PLEKHD1: variants seen among roughly 807,000 people sequenced by gnomAD.
PLEKHD1 encodes pleckstrin homology domain-containing family D member 1.
PLEKHD1 carries 51 observed loss-of-function variants against 69.2 expected under a neutral mutation model. That is an observed-to-expected ratio of 0.74 (90% confidence interval 0.59 to 0.93). PLEKHD1 has a LOEUF of 0.93. Ranked by LOEUF, PLEKHD1 falls within the 40% of genes least tolerant of loss-of-function variation. The pLI is 0.00. For missense variants in PLEKHD1, 584 were observed against 641.0 expected, an observed-to-expected ratio of 0.91 and a Z score of 0.96; for synonymous variants, 236 against 244.7, an observed-to-expected ratio of 0.96 and a Z score of 0.33.
chr14:69,520,158 C>T (rs1883478963), intron 6 of PLEKHD1, among the ~76,000 whole-genome samples: 3 of 109,612 alleles, frequency 2.7e-5, no homozygotes, highest in East Asian at 2.8e-4. Flanking sequence ...CAGAGCGAGA[C>T]TCTGTCTCAA....
chr14:69,486,685 C>A (rs2139490053), intron 1 of PLEKHD1, among the ~76,000 whole-genome samples: 1 of 152,298 alleles, frequency 6.6e-6, no homozygotes, highest in South Asian at 2.1e-4. Context: ...ACTTCTCTTG[C>A]CAGACATTTT....
chr14:69,517,831 T>C (rs116936985), intron 6 of PLEKHD1, among the ~76,000 whole-genome samples: 129 of 152,158 alleles, frequency 8.5e-4, no homozygotes, highest in Non-Finnish European at 1.6e-3. Flanking sequence ...TGATCTCCCC[T>C]AACCTCACAC....
intron 2 of PLEKHD1, 174 bp from the exon 3 acceptor site, chr14:69,500,403 C>G (rs1028671445): frequency 1.4e-6 from 1 of 691,110 alleles, no homozygotes; most frequent in Non-Finnish European, 2.4e-6. Flanking sequence ...CAGACCCTGC[C>G]CCAACCCTTC....
At chr14:69,500,281 G>A (rs1046516642) in intron 2 of PLEKHD1, 73 bp downstream of exon 2, 1 of 1,235,160 alleles carries the variant, frequency 8.1e-7, no homozygotes, top group Non-Finnish European at 1.1e-6. Flanking sequence ...TCTTGTGAGG[G>A]GAGGGGACTG....
intron 7 of PLEKHD1, among the ~76,000 whole-genome samples, chr14:69,523,801 A>G (rs1337232942): frequency 2.6e-5 from 4 of 152,204 alleles, no homozygotes; most frequent in African/African-American, 9.6e-5. Flanking sequence ...TAAAAGCCTA[A>G]GGTGACTGAA....
At chr14:69,509,994 A>G (rs1177276386) in intron 6 of PLEKHD1, among the ~76,000 whole-genome samples, 1 of 150,660 alleles carries the variant, frequency 6.6e-6, no homozygotes, top group Non-Finnish European at 1.5e-5. Context: ...CTCCATTGTC[A>G]GAGTTGAATT....
chr14:69,485,592 G>T (rs1283494698), intron 1 of PLEKHD1, among the ~76,000 whole-genome samples: 1 of 152,154 alleles, frequency 6.6e-6, no homozygotes, highest in African/African-American at 2.4e-5. Flanking sequence ...GAGGGACCTG[G>T]CCCTTCTGAA....
chr14:69,497,784 T>TG (rs756436034), intron 1 of PLEKHD1, among the ~76,000 whole-genome samples: 3 of 152,106 alleles, frequency 2.0e-5, no homozygotes, highest in Non-Finnish European at 4.4e-5. Context: ...GTTTCCGCAG[T>TG]GGGGGCAGAA....
chr14:69,490,313 G>A (rs1282472090), intron 1 of PLEKHD1, among the ~76,000 whole-genome samples: 1 of 152,210 alleles, frequency 6.6e-6, no homozygotes, highest in African/African-American at 2.4e-5. Context: ...TAGATCCCTT[G>A]CCATGCACAA....
the PLEKHD1 span, among the ~76,000 whole-genome samples, chr14:69,477,778 T>C: frequency 6.6e-6 from 1 of 152,222 alleles, no homozygotes; most frequent in Non-Finnish European, 1.5e-5. Flanking sequence ...TCCCATAGTC[T>C]TAGGCAGCTC....
In PLEKHD1 at chr14:69,528,394, C is replaced by T. The variant is rs200825554; in HGVS notation, c.1496C>T (p.Ser499Leu). 7.5e-4 allele frequency: 1,164 copies of T among 1,551,282 alleles called. 6 individuals carry two copies. In the African/African-American group the frequency reaches 8.5e-3, roughly 11 times the overall value. The change falls in exon 13 of 13, where the codon TCG (serine) becomes TTG (leucine). Residue 499 changes from serine (S) to leucine (L), a missense_variant. Transcript: ENST00000322564. Reference sequence around the variant, plus strand: ...ATGGCCACCCAGCCTGGAGCCCCCTCGGCACTCTCCCGGGGTGGAAAGTGA... The same window carrying T: ...ATGGCCACCCAGCCTGGAGCCCCCTTGGCACTCTCCCGGGGTGGAAAGTGA... ...HIMATQPGAP[S>L]ALSRGGK
rs758053827 is a variant in PLEKHD1 at position 69,522,442 on chromosome 14, G to C, written c.650+65G>C. On this transcript the variant is annotated intron_variant, in intron 7 of 12. Transcript: ENST00000322564. Reference sequence around the variant, plus strand: ...AGGGCATGCAGAGCCCACCTTCCCCGTCAGATCTGAGGAGGCCTCCACCTC... The same window carrying C: ...AGGGCATGCAGAGCCCACCTTCCCCCTCAGATCTGAGGAGGCCTCCACCTC... The C allele has an allele frequency of 4.6e-6, 7 of 1,506,042 alleles. No homozygotes were observed. The African/African-American group carries it at 6.9e-5, about 15-fold the overall frequency. The allele number at this position is 1,506,042 out of a possible 1,614,324, so 93.3% of individuals were successfully genotyped here. A position where few individuals can be genotyped will look rare whatever the true frequency, so the allele number is the denominator to read the frequency against.
At chr14:69,527,080 T>A (rs1026547806) in intron 10 of PLEKHD1, 108 bp from the exon 11 acceptor site, 8 of 1,355,100 alleles carry the variant, frequency 5.9e-6, no homozygotes, top group Non-Finnish European at 6.9e-6. Context: ...ATGTGATAAC[T>A]CCCATCCACG....
upstream of PLEKHD1, among the ~76,000 whole-genome samples, chr14:69,482,906 A>G (rs1309978336): frequency 1.7e-5 from 2 of 116,186 alleles, no homozygotes; most frequent in Non-Finnish European, 4.0e-5. Context: ...AAAAAAAAAA[A>G]GAAAGAAAGA....
chr14:69,485,842 T>C (rs1191785297), intron 1 of PLEKHD1, among the ~76,000 whole-genome samples: 1 of 152,152 alleles, frequency 6.6e-6, no homozygotes, highest in Non-Finnish European at 1.5e-5. Context: ...AGAGACAGGG[T>C]AGTCCCAACC....
At chr14:69,504,865 A>G (rs991960403) in intron 6 of PLEKHD1, among the ~76,000 whole-genome samples, 2 of 152,190 alleles carry the variant, frequency 1.3e-5, no homozygotes, top group Non-Finnish European at 2.9e-5. Flanking sequence ...CATTTTCTGC[A>G]CACAATTCTA....
chr14:69,509,049 G>T (rs1158482584), intron 6 of PLEKHD1, among the ~76,000 whole-genome samples: 1 of 152,164 alleles, frequency 6.6e-6, no homozygotes, highest in Non-Finnish European at 1.5e-5. Flanking sequence ...ACATTTTATG[G>T]AGATGGGGTC....
chr14:69,529,032 C>T lies in PLEKHD1; in HGVS notation c.*613C>T, dbSNP rs1419612669. 6.5e-6 allele frequency: 1 copy of T among 152,706 alleles called. No individual in the cohort carries two copies. The highest frequency in any genetic ancestry group is 2.4e-5 in the African/African-American group (1 of 41,454). The allele number at this position is 152,706 out of a possible 1,614,324, so 9.5% of individuals were successfully genotyped here. A position where few individuals can be genotyped will look rare whatever the true frequency, so the allele number is the denominator to read the frequency against. On this transcript the variant is annotated 3_prime_UTR_variant, in exon 13 of 13. Coordinates refer to ENST00000322564, the MANE Select transcript of PLEKHD1 (RefSeq NM_001161498.2). The stretch of plus-strand genomic sequence containing the variant: ...AGCAGCTTCTGGGCTCCTGACATAC[C>T]ACACACCCGCCACAGTGCCGCTTTT...
intron 1 of PLEKHD1, among the ~76,000 whole-genome samples, chr14:69,499,574 G>C (rs1882975337): frequency 6.6e-6 from 1 of 152,224 alleles, no homozygotes; most frequent in Non-Finnish European, 1.5e-5. Context: ...AGTCCCAGAA[G>C]GAGACTGGGG....
Sources: allele counts gnomAD v4.1 joint callset (sites outside exome capture counted in the v4.1 genomes callset), GRCh38; gene constraint gnomAD v4.1.1; transcripts MANE v1.5; gene names NCBI Gene and HGNC (gene_info 2026-07-23, HGNC 2026-07-21).